NPR2: variants seen among roughly 807,000 people sequenced by gnomAD.
The protein encoded by NPR2 is natriuretic peptide receptor 2, also known as atrial natriuretic peptide receptor 2.
NPR2 carries 49 observed loss-of-function variants against 120.7 expected under a neutral mutation model. The ratio of observed to expected loss-of-function variants is 0.41; its 90% CI spans 0.32 to 0.52. NPR2 has a LOEUF of 0.52. Among genes scored for constraint, NPR2 ranks in the 20% least tolerant of loss-of-function variants. The pLI, the probability that NPR2 is intolerant of heterozygous loss-of-function variation, is 0.36. For synonymous variants in NPR2, 484 were observed against 519.8 expected, an observed-to-expected ratio of 0.93 and a Z score of 0.94; for missense variants, 931 against 1,362.9, an observed-to-expected ratio of 0.68 and a Z score of 4.99.
At chr9:35,797,965 G>T (rs753027366) in intron 2 of NPR2, among the ~76,000 whole-genome samples, 92 of 152,162 alleles carry the variant, frequency 6.0e-4, no homozygotes, top group South Asian at 2.1e-4. Context: ...GCTATGGAAG[G>T]TGTGCTTGTG....
At chr9:35,794,169 A>G in intron 2 of NPR2, 66 bp downstream of exon 2, 1 of 1,448,860 alleles carries the variant, frequency 6.9e-7, no homozygotes, top group South Asian at 1.3e-5. Flanking sequence ...TCTCTCTCAC[A>G]AGACCCTAAA....
chr9:35,792,603 G>T lies in NPR2; in HGVS notation c.195G>T (p.Arg65=), dbSNP rs749284128. The change falls in exon 1 of 22, where the codon CGG becomes CGT. Residue 65 remains arginine, a synonymous_variant. Transcript: ENST00000342694. ...ALGRALPVDL[R]FVSSELEGAC... is the part of the protein sequence containing the mutation. ...GCCGGGCACTGCCCGTGGACCTGCG[G>T]TTTGTCAGCTCCGAACTGGAAGGCG... is the stretch of plus-strand genomic sequence containing the variant. 16 of 1,613,598 alleles carry T rather than the reference G, an allele frequency of 9.9e-6. No homozygotes were observed. Among genetic ancestry groups the T allele is most frequent in the Non-Finnish European group, 1.4e-5 (16 of 1,180,034 alleles).
Position 35,801,115 on chromosome 9 carries a change from CCTT to C in NPR2, c.1399_1401del (p.Phe467del). 1 of 1,613,968 alleles carries C rather than the reference CCTT, an allele frequency of 6.2e-7. No homozygotes were observed. The highest frequency in any genetic ancestry group is 8.5e-7 in the Non-Finnish European group (1 of 1,179,864). Reference sequence around the variant, plus strand: ...ATTGTGGCTCTGGGCACAGGAATCACCTTCATCATGTTTGGTGTTTCCAGCTTC... The same window carrying C: ...ATTGTGGCTCTGGGCACAGGAATCACCATCATGTTTGGTGTTTCCAGCTTC... On this transcript the variant is annotated inframe_deletion, in exon 7 of 22. Coordinates refer to ENST00000342694, the MANE Select transcript of NPR2 (RefSeq NM_003995.4).
At position 35,792,563 on chromosome 9, in the gene NPR2, C is replaced by T; in HGVS notation, c.155C>T (p.Ala52Val). Residue 52 changes from alanine to valine, a missense_variant, in exon 1 of 22, where the codon GCT becomes GTT. Around this residue, in one of 3 missense-constraint regions of NPR2, gnomAD observed 681 missense variants for 974.3 expected, o/e 0.70. Transcript: ENST00000342694. ...CGGGTGGGACCCGCTGTGGCACTAG[C>T]TGTGGAGGCTCTGGGCCGGGCACTG... ...WPRVGPAVALAVEALGRALPV... is the reference protein window; with the variant it reads ...WPRVGPAVALVVEALGRALPV... 6.2e-7 allele frequency: 1 copy of T among 1,612,640 alleles called. No individual in the cohort carries two copies. Among genetic ancestry groups the T allele is most frequent in the South Asian group, 1.1e-5 (1 of 91,086 alleles).
chr9:35,807,289 G>T (rs778754083), intron 17 of NPR2, 41 bp from the exon 18 acceptor site: 10 of 1,553,416 alleles, frequency 6.4e-6, no homozygotes, highest in South Asian at 3.3e-5. Flanking sequence ...TTAGAAAATT[G>T]GGCACAAGTC....
At chr9:35,799,835 G>T in intron 3 of NPR2, 104 bp downstream of exon 3, 1 of 1,366,364 alleles carries the variant, frequency 7.3e-7, no homozygotes, top group Non-Finnish European at 1.0e-6. Flanking sequence ...CCCAACTTTG[G>T]GGGGTCTCCG....
intron 2 of NPR2, among the ~76,000 whole-genome samples, chr9:35,795,115 A>G (rs1827909312): frequency 6.6e-6 from 1 of 152,174 alleles, no homozygotes; most frequent in African/African-American, 2.4e-5. Context: ...CCTTATTGTG[A>G]CATTTAAGAC....
chr9:35,799,537 A>G, intron 2 of NPR2, 81 bp from the exon 3 acceptor site: 1 of 1,033,082 alleles, frequency 9.7e-7, no homozygotes, highest in Non-Finnish European at 1.5e-6. Context: ...TATTTTACCA[A>G]GTTTCCCTGT....
intron 2 of NPR2, among the ~76,000 whole-genome samples, chr9:35,797,802 C>G (rs890607804): frequency 1.3e-5 from 2 of 151,776 alleles, no homozygotes; most frequent in East Asian, 3.9e-4. Context: ...ACAGCAAAAA[C>G]AGTTCTAGCA....
In NPR2 at chr9:35,792,512, ACCTGAGCTATG is replaced by A. The variant is rs1313911223; in HGVS notation, c.109_119del (p.Ser37GlyfsTer37). ...CTGGCGGTGGTGCTGCCAGAACACAACCTGAGCTATGCCTGGGCCTGGCCACGGGTGGGACC... is the reference window on the plus strand; with the variant it reads ...CTGGCGGTGGTGCTGCCAGAACACAACCTGGGCCTGGCCACGGGTGGGACC... On this transcript the variant is annotated frameshift_variant, in exon 1 of 22. Transcript: ENST00000342694. LOFTEE classifies it high-confidence loss of function. 1.2e-6 allele frequency: 2 copies of A among 1,610,494 alleles called. No individual in the cohort carries two copies. The highest frequency in any genetic ancestry group is 1.7e-6 in the Non-Finnish European group (2 of 1,179,874).
Position 35,809,447 on chromosome 9 carries a change from C to T in NPR2, c.*2C>T, listed in dbSNP as rs778618798. ...AAAGGACCTCCTGGACTCCTGTAAA[C>T]CCCCATTCTTTCCAAGTCAGATAGT... On this transcript the variant is annotated 3_prime_UTR_variant, in exon 22 of 22. Transcript: ENST00000342694. The surrounding 1 kb of genome is among the most constrained non-coding windows in gnomAD (Gnocchi z 4.1). 3.7e-6 allele frequency: 6 copies of T among 1,614,060 alleles called. No homozygotes were observed. In the Admixed American group the frequency reaches 1.0e-4, roughly 27 times the overall value.
chr9:35,792,662 T>C lies in NPR2; in HGVS notation c.254T>C (p.Val85Ala), dbSNP rs1280994313. ...CSEYLAPLSA[V>A]DLKLYHDPDL... ...GAGTACCTGGCACCGCTGAGCGCTG[T>C]GGACCTCAAGCTGTACCATGACCCC... The change falls in exon 1 of 22, where the codon GTG becomes GCG. Residue 85 changes from valine to alanine, a missense_variant. Val to Ala is a moderately conservative substitution (Grantham distance 64). Coordinates refer to ENST00000342694, the MANE Select transcript of NPR2 (RefSeq NM_003995.4). 1 of 1,614,152 alleles carries C rather than the reference T, an allele frequency of 6.2e-7. No homozygotes were observed. The highest frequency in any genetic ancestry group is 1.7e-5 in the Admixed American group (1 of 60,030).
chr9:35,802,657 A>G lies in NPR2; in HGVS notation c.1815+50A>G, dbSNP rs1417341165. The G allele has an allele frequency of 6.7e-7, 1 of 1,484,928 alleles. No homozygotes were observed. The highest frequency in any genetic ancestry group is 1.7e-5 in the Admixed American group (1 of 59,874). The allele number at this position is 1,484,928 out of a possible 1,614,324, so 92.0% of individuals were successfully genotyped here. On this transcript the variant is annotated intron_variant, in intron 11 of 21. Transcript: ENST00000342694. This position sits in a 1 kb window ranked among gnomAD's most constrained non-coding sequence, Gnocchi z 4.2. ...TGGCAGGGGTGGGAAGGATAGACCC[A>G]AAGTTATACTGACTCTATGCTGGGT...
rs774295578 is a variant in NPR2 at position 35,807,084 on chromosome 9, A to G, written c.2581A>G (p.Thr861Ala). The G allele has an allele frequency of 6.2e-7, 1 of 1,608,344 alleles. No homozygotes were observed. Among genetic ancestry groups the G allele is most frequent in the South Asian group, 1.1e-5 (1 of 90,904 alleles). ...TVQAEAFDSV[T>A]IYFSDIVGFT... ...ACAGGCTGAGGCCTTTGACAGTGTT[A>G]CCATCTACTTCAGTGACATTGTTGG... The change falls in exon 17 of 22, where the codon ACC (threonine) becomes GCC (alanine). Residue 861 changes from threonine (T) to alanine (A), a missense_variant. This residue lies in a region of NPR2 where 184 missense variants were observed against 328.3 expected (regional missense o/e 0.56). Coordinates refer to ENST00000342694, the MANE Select transcript of NPR2 (RefSeq NM_003995.4).
intron 12 of NPR2, among the ~76,000 whole-genome samples, chr9:35,804,349 T>A (rs1828285419): frequency 6.6e-6 from 1 of 152,134 alleles, no homozygotes; most frequent in Non-Finnish European, 1.5e-5. Flanking sequence ...TTCTCCCATC[T>A]TAGCCTCCTG....
In NPR2 at chr9:35,806,651, A is replaced by G; in HGVS notation, c.2519+113A>G. 8.8e-7 allele frequency: 1 copy of G among 1,130,256 alleles called. No individual in the cohort carries two copies. Among genetic ancestry groups the G allele is most frequent in the African/African-American group, 1.5e-5 (1 of 65,636 alleles). The allele number at this position is 1,130,256 out of a possible 1,614,324, so 70.0% of individuals were successfully genotyped here. A position where few individuals can be genotyped will look rare whatever the true frequency, so the allele number is the denominator to read the frequency against. On this transcript the variant is annotated intron_variant, in intron 16 of 21. Coordinates refer to ENST00000342694, the MANE Select transcript of NPR2 (RefSeq NM_003995.4). The surrounding 1 kb of genome is among the most constrained non-coding windows in gnomAD (Gnocchi z 4.6). ...CCACCCTCAGAACCCTGCTGGCCAC[A>G]GGGAGCACCCCTGCTTATAGATTAT...
chr9:35,792,650 C>T lies in NPR2; in HGVS notation c.242C>T (p.Pro81Leu). The change falls in exon 1 of 22, where the codon CCG becomes CTG. Residue 81 changes from proline to leucine, a missense_variant. By Grantham distance (98) the Pro-to-Leu change is moderately conservative. This residue lies in a region of NPR2 where 681 missense variants were observed against 974.3 expected (regional missense o/e 0.70). Coordinates refer to ENST00000342694, the MANE Select transcript of NPR2 (RefSeq NM_003995.4). ...GGCGCCTGCTCTGAGTACCTGGCAC[C>T]GCTGAGCGCTGTGGACCTCAAGCTG... ...LEGACSEYLA[P>L]LSAVDLKLYH... The T allele has an allele frequency of 1.2e-6, 2 of 1,614,080 alleles. No individual in the cohort carries two copies. Among genetic ancestry groups the T allele is most frequent in the Non-Finnish European group, 8.5e-7 (1 of 1,180,040 alleles).
At position 35,800,170 on chromosome 9, in the gene NPR2, G is replaced by C; in HGVS notation, c.1123+13G>C. 1 of 1,609,726 alleles carries C rather than the reference G, an allele frequency of 6.2e-7. No homozygotes were observed. The highest frequency in any genetic ancestry group is 8.5e-7 in the Non-Finnish European group (1 of 1,176,072). On this transcript the variant is annotated intron_variant, in intron 4 of 21. Transcript: ENST00000342694. The surrounding 1 kb of genome is among the most constrained non-coding windows in gnomAD (Gnocchi z 4.7). ...CGAAGATATCACGGTAATGAAGAGG[G>C]GTCAATGGGGGTCTGAGGGCTGATG...
Position 35,805,569 on chromosome 9 carries a change from A to G in NPR2, c.1946A>G (p.Asn649Ser). ...ISSHGSLKSS[N>S]CVVDSRFVLK... is the part of the protein sequence containing the mutation. ...TCGCATGGGAGTCTCAAGTCCTCCAACTGTGTGGTGGATAGTCGTTTTGTG... is the reference window on the plus strand; with the variant it reads ...TCGCATGGGAGTCTCAAGTCCTCCAGCTGTGTGGTGGATAGTCGTTTTGTG... The change falls in exon 13 of 22, where the codon AAC becomes AGC. Residue 649 changes from asparagine to serine, a missense_variant. By Grantham distance (46) the Asn-to-Ser change is conservative. This residue lies in a region of NPR2 where 681 missense variants were observed against 974.3 expected (regional missense o/e 0.70). Coordinates refer to ENST00000342694, the MANE Select transcript of NPR2 (RefSeq NM_003995.4). The surrounding 1 kb of genome is among the most constrained non-coding windows in gnomAD (Gnocchi z 4.9). The G allele has an allele frequency of 6.2e-7, 1 of 1,614,084 alleles. No individual in the cohort carries two copies. The highest frequency in any genetic ancestry group is 8.5e-7 in the Non-Finnish European group (1 of 1,179,928).
Sources: allele counts gnomAD v4.1 joint callset (sites outside exome capture counted in the v4.1 genomes callset), GRCh38; gene constraint gnomAD v4.1.1; regional missense constraint gnomAD v4.1.1; non-coding constraint Gnocchi (gnomAD v3.1); transcripts MANE v1.5; gene names NCBI Gene and HGNC (gene_info 2026-07-23, HGNC 2026-07-21).